Variants in STXBP5L observed in about 807,000 individuals in gnomAD.
STXBP5L encodes syntaxin binding protein 5L.
A neutral mutation model predicts 144.5 loss-of-function variants in STXBP5L; 65 were observed. That is an observed-to-expected ratio of 0.45 (90% CI 0.37 to 0.55). The LOEUF (loss-of-function observed/expected upper bound fraction) is 0.55, where lower values mean the gene tolerates loss of function less well. Among genes scored for constraint, STXBP5L ranks in the 20% least tolerant of loss-of-function variants. STXBP5L has a pLI of 0.00. For missense variants in STXBP5L, 1,298 were observed against 1,405.5 expected, an observed-to-expected ratio of 0.92 and a Z score of 1.22; for synonymous variants, 505 against 469.6, an observed-to-expected ratio of 1.08 and a Z score of -0.97.
At chr3:121,405,718 T>C (rs1447494315) in intron 22 of STXBP5L, among the ~76,000 whole-genome samples, 1 of 152,126 alleles carries the variant, frequency 6.6e-6, no homozygotes, top group East Asian at 1.9e-4. Context: ...TTGGAAAAGA[T>C]TAAAGAAAGA....
intron 3 of STXBP5L, among the ~76,000 whole-genome samples, chr3:120,969,436 G>C (rs552997962): frequency 9.1e-5 from 13 of 143,422 alleles, no homozygotes; most frequent in Non-Finnish European, 1.4e-4. Context: ...TGAGTTCCTT[G>C]TAGATTCTGG....
At chr3:121,097,010 G>T (rs2043164722) in intron 5 of STXBP5L, among the ~76,000 whole-genome samples, 1 of 152,190 alleles carries the variant, frequency 6.6e-6, no homozygotes, top group African/African-American at 2.4e-5. Context: ...TCCCTTATGG[G>T]GGCTGCTGCC....
chr3:121,181,103 A>G (rs975306104), intron 9 of STXBP5L, among the ~76,000 whole-genome samples: 2 of 150,324 alleles, frequency 1.3e-5, no homozygotes, highest in Non-Finnish European at 3.0e-5. Context: ...TCTGTCTTGA[A>G]AAGAAAAGAA....
At chr3:121,179,077 A>G (rs1476191559) in intron 9 of STXBP5L, among the ~76,000 whole-genome samples, 1 of 152,128 alleles carries the variant, frequency 6.6e-6, no homozygotes, top group South Asian at 2.1e-4. Context: ...GGGAAAGCTT[A>G]TGACCTGGGG....
chr3:120,976,814 T>C (rs1379507959), intron 3 of STXBP5L, among the ~76,000 whole-genome samples: 1 of 152,202 alleles, frequency 6.6e-6, no homozygotes, highest in Admixed American at 6.5e-5. Flanking sequence ...CCAGTAGTCA[T>C]TCAGGAGCAG....
At position 121,421,977 on chromosome 3, in the gene STXBP5L, G is replaced by A. The variant is rs1458739826; in HGVS notation, c.*2880G>A. The A allele has an allele frequency of 6.6e-6, 1 of 152,106 alleles. No individual in the cohort carries two copies. Among genetic ancestry groups the A allele is most frequent in the Admixed American group, 6.6e-5 (1 of 15,248 alleles). 9.4% of individuals were successfully genotyped at this position (152,106 alleles called of 1,614,324 possible). A position where few individuals can be genotyped will look rare whatever the true frequency, so the allele number is the denominator to read the frequency against. ...CCTGGTTAGTGGAATCCAAATTAATGAGGTTTTACTGTATCAAAATTATTT... is the reference window on the plus strand; with the variant it reads ...CCTGGTTAGTGGAATCCAAATTAATAAGGTTTTACTGTATCAAAATTATTT... On this transcript the variant is annotated 3_prime_UTR_variant, in exon 27 of 27. Transcript: ENST00000471454.
intron 9 of STXBP5L, among the ~76,000 whole-genome samples, chr3:121,201,713 G>T (rs755488074): frequency 1.1e-4 from 16 of 151,620 alleles, no homozygotes; most frequent in Non-Finnish European, 2.2e-4. Context: ...CAGACCTGGT[G>T]GTGACAATAT....
chr3:120,959,164 G>C (rs1421134645), intron 3 of STXBP5L, among the ~76,000 whole-genome samples: 1 of 152,150 alleles, frequency 6.6e-6, no homozygotes, highest in African/African-American at 2.4e-5. Flanking sequence ...GCTTCAAAGA[G>C]AATAAAATAC....
chr3:121,074,688 G>A (rs1344296117), intron 5 of STXBP5L, among the ~76,000 whole-genome samples: 2 of 152,114 alleles, frequency 1.3e-5, no homozygotes, highest in Non-Finnish European at 2.9e-5. Context: ...CTCTCATAGA[G>A]TCTCCATTCC....
intron 20 of STXBP5L, among the ~76,000 whole-genome samples, chr3:121,342,363 A>G (rs1045730344): frequency 6.6e-6 from 1 of 152,084 alleles, no homozygotes; most frequent in African/African-American, 2.4e-5. Context: ...TATTATTATT[A>G]TACTTTAAGT....
intron 9 of STXBP5L, among the ~76,000 whole-genome samples, chr3:121,187,876 A>T (rs2047465213): frequency 2.0e-5 from 3 of 152,118 alleles, no homozygotes; most frequent in Admixed American, 1.3e-4. Context: ...AGAAAAAAAA[A>T]AAGCAGCGGT....
At position 121,014,277 on chromosome 3, in the gene STXBP5L, G is replaced by T. The variant is rs140433196; in HGVS notation, c.288-27423G>T. ...TTCTTCCAATCCATGAATATAGAAT[G>T]CTTTTCTATTTGTTTGTGTCATCTA... On this transcript the variant is annotated intron_variant, in intron 3 of 26. Transcript: ENST00000471454. Among the ~76,000 whole-genome samples the T allele has an allele frequency of 1.2e-4, 18 of 152,032 alleles. 1 individual carries two copies. In the East Asian group the frequency reaches 3.3e-3, roughly 28 times the overall value.
At chr3:121,050,221 C>T (rs1470825058) in intron 5 of STXBP5L, among the ~76,000 whole-genome samples, 1 of 152,116 alleles carries the variant, frequency 6.6e-6, no homozygotes, top group African/African-American at 2.4e-5. Context: ...ACTCAGCTAT[C>T]TCACGCCAAA....
intron 20 of STXBP5L, among the ~76,000 whole-genome samples, chr3:121,370,695 GTTCA>G (rs1342263263): frequency 6.6e-6 from 1 of 152,112 alleles, no homozygotes; most frequent in Admixed American, 6.5e-5. Context: ...CAGAGGTTTT[GTTCA>G]TTCATTTTCA....
intron 9 of STXBP5L, among the ~76,000 whole-genome samples, chr3:121,199,033 T>C (rs2048032224): frequency 6.6e-6 from 1 of 152,184 alleles, no homozygotes; most frequent in African/African-American, 2.4e-5. Context: ...AAGTCAAAGG[T>C]AGCTTGTTGG....
rs747516072 is a variant in STXBP5L, at chr3:121,407,580, T to C, written c.2925T>C (p.Ala975=). The C allele has an allele frequency of 2.5e-6, 4 of 1,613,230 alleles. No individual in the cohort carries two copies. The South Asian group carries it at 4.4e-5, about 18-fold the overall frequency. The change falls in exon 23 of 27, where the codon GCT becomes GCC. Residue 975 remains alanine (A), a synonymous_variant. Transcript: ENST00000471454. ...GTGCCTGCTTGGCATGCTTTTGTGC[T>C]AACGGACATATCATGATAATGAGGT... The part of the protein sequence containing the change: ...CSSACLACFC[A]NGHIMIMSLP...
chr3:121,095,114 C>T (rs765169042), intron 5 of STXBP5L, among the ~76,000 whole-genome samples: 1 of 152,046 alleles, frequency 6.6e-6, no homozygotes, highest in Non-Finnish European at 1.5e-5. Context: ...GAATATTGGC[C>T]CCCAGTGTCT....
At chr3:121,309,198 G>A (rs1448886383) in intron 19 of STXBP5L, among the ~76,000 whole-genome samples, 1 of 151,804 alleles carries the variant, frequency 6.6e-6, no homozygotes, top group Non-Finnish European at 1.5e-5. Context: ...CCAATCAAAA[G>A]ACATAGATTG....
chr3:120,965,946 C>A (rs1415697733), intron 3 of STXBP5L, among the ~76,000 whole-genome samples: 2 of 152,174 alleles, frequency 1.3e-5, no homozygotes, highest in African/African-American at 4.8e-5. Context: ...TTCACATAGT[C>A]CCATATTTCT....
Sources: allele counts gnomAD v4.1 joint callset (sites outside exome capture counted in the v4.1 genomes callset), GRCh38; gene constraint gnomAD v4.1.1; transcripts MANE v1.5; gene names NCBI Gene and HGNC (gene_info 2026-07-23, HGNC 2026-07-21).